The following CHCHD6 variants were observed in gnomAD, a reference collection of about 807,000 sequenced individuals.
CHCHD6 encodes MICOS complex subunit MIC25.
CHCHD6 carries 28 observed loss-of-function variants against 32.3 expected under a neutral mutation model. The observed-to-expected ratio is 0.87, with a 90% CI of 0.64 to 1.19. CHCHD6 has a LOEUF of 1.19. Ranked by LOEUF, CHCHD6 falls within the 50% of genes most tolerant of loss-of-function variation. The pLI is 0.00. For missense variants in CHCHD6, 333 were observed against 307.0 expected, an observed-to-expected ratio of 1.08 and a Z score of -0.63; for synonymous variants, 122 against 117.5, an observed-to-expected ratio of 1.04 and a Z score of -0.25.
At chr3:126,760,707 G>T (rs1454330329) in intron 4 of CHCHD6, among the ~76,000 whole-genome samples, 1 of 152,204 alleles carries the variant, frequency 6.6e-6, no homozygotes, top group East Asian at 1.9e-4. Flanking sequence ...ATAGTCCATT[G>T]TATGGATAGG....
At chr3:126,894,172 C>T (rs2077804338) in intron 5 of CHCHD6, among the ~76,000 whole-genome samples, 1 of 152,244 alleles carries the variant, frequency 6.6e-6, no homozygotes, top group Non-Finnish European at 1.5e-5. Flanking sequence ...CCAATGTCCC[C>T]ACCCTTGCTT....
intron 4 of CHCHD6, among the ~76,000 whole-genome samples, chr3:126,826,273 A>G (rs1940387533): frequency 6.6e-6 from 1 of 152,176 alleles, no homozygotes; most frequent in Non-Finnish European, 1.5e-5. Context: ...ATATTATTGG[A>G]GACCAGTTTA....
intron 6 of CHCHD6, among the ~76,000 whole-genome samples, chr3:126,926,013 T>C (rs1009495216): frequency 1.3e-5 from 2 of 152,316 alleles, no homozygotes; most frequent in Non-Finnish European, 1.5e-5. Flanking sequence ...TTGCCTCCGC[T>C]GCAGAGCACA....
At chr3:126,880,772 AC>A (rs1196376071) in intron 5 of CHCHD6, among the ~76,000 whole-genome samples, 1 of 152,212 alleles carries the variant, frequency 6.6e-6, no homozygotes, top group Admixed American at 6.5e-5. Flanking sequence ...CAAGGTAAAA[AC>A]ATCTCTTTTT....
chr3:126,895,749 T>A (rs1167566793), intron 5 of CHCHD6, among the ~76,000 whole-genome samples: 1 of 152,096 alleles, frequency 6.6e-6, no homozygotes, highest in African/African-American at 2.4e-5. Context: ...GCTGACCCCA[T>A]CCCCCACCCC....
intron 5 of CHCHD6, among the ~76,000 whole-genome samples, chr3:126,892,469 A>G (rs1161267700): frequency 6.6e-6 from 1 of 152,068 alleles, no homozygotes; most frequent in Non-Finnish European, 1.5e-5. Flanking sequence ...ACAACTTCAC[A>G]ATGTAGTTCC....
At chr3:126,814,381 G>A (rs1939787043) in intron 4 of CHCHD6, among the ~76,000 whole-genome samples, 1 of 152,166 alleles carries the variant, frequency 6.6e-6, no homozygotes, top group Non-Finnish European at 1.5e-5. Flanking sequence ...CTTGGAATCT[G>A]CAGAGTAATG....
chr3:126,823,658 A>C (rs1940249949), intron 4 of CHCHD6, among the ~76,000 whole-genome samples: 1 of 152,146 alleles, frequency 6.6e-6, no homozygotes, highest in African/African-American at 2.4e-5. Flanking sequence ...TATCAATTTT[A>C]CTTTTTTTCT....
intron 6 of CHCHD6, chr3:126,949,217 G>A (rs1488954068): frequency 6.5e-6 from 1 of 154,046 alleles, no homozygotes; most frequent in African/African-American, 2.4e-5. Context: ...GAACAGAAGG[G>A]ACAACCTGAC....
intron 1 of CHCHD6, among the ~76,000 whole-genome samples, chr3:126,720,859 C>T (rs556066348): frequency 2.2e-4 from 34 of 152,310 alleles, no homozygotes; most frequent in African/African-American, 7.7e-4. Flanking sequence ...GATGTTTCTC[C>T]TCATTCTCCC....
At chr3:126,739,810 G>T (rs796598694) in intron 4 of CHCHD6, among the ~76,000 whole-genome samples, 20 of 152,096 alleles carry the variant, frequency 1.3e-4, no homozygotes, top group Non-Finnish European at 1.5e-5. Context: ...ACATAGTCTC[G>T]ATTTGACAGT....
intron 4 of CHCHD6, among the ~76,000 whole-genome samples, chr3:126,815,652 C>A (rs534564653): frequency 6.0e-5 from 9 of 150,210 alleles, no homozygotes; most frequent in Admixed American, 3.3e-4. Flanking sequence ...TGCCCCCCCC[C>A]CCCCATCTGT....
intron 4 of CHCHD6, among the ~76,000 whole-genome samples, chr3:126,736,170 G>C (rs1166134321): frequency 6.6e-6 from 1 of 152,174 alleles, no homozygotes; most frequent in East Asian, 1.9e-4. Flanking sequence ...AAGATGGAGA[G>C]AAGAACCTAA....
intron 4 of CHCHD6, among the ~76,000 whole-genome samples, chr3:126,819,801 T>A (rs1201770210): frequency 6.6e-6 from 1 of 152,242 alleles, no homozygotes; most frequent in African/African-American, 2.4e-5. Context: ...GTAGAGAACA[T>A]GGAAAGGCAG....
intron 4 of CHCHD6, among the ~76,000 whole-genome samples, chr3:126,796,207 G>T (rs116723174): frequency 6.6e-6 from 1 of 152,028 alleles, no homozygotes; most frequent in African/African-American, 2.4e-5. Context: ...AAAATTAGCC[G>T]GGCTTGGTGG....
chr3:126,853,807 A>G (rs1328771200), intron 5 of CHCHD6, among the ~76,000 whole-genome samples: 1 of 152,204 alleles, frequency 6.6e-6, no homozygotes, highest in Non-Finnish European at 1.5e-5. Flanking sequence ...GAGCAGTCTC[A>G]TGCACAGGTT....
intron 6 of CHCHD6, among the ~76,000 whole-genome samples, chr3:126,916,496 A>T (rs1053888076): frequency 6.6e-6 from 1 of 152,138 alleles, no homozygotes; most frequent in Non-Finnish European, 1.5e-5. Flanking sequence ...CAAAAGGCAG[A>T]TAGAGACAAG....
intron 5 of CHCHD6, among the ~76,000 whole-genome samples, chr3:126,894,455 T>C (rs2077809169): frequency 6.6e-6 from 1 of 152,198 alleles, no homozygotes; most frequent in Non-Finnish European, 1.5e-5. Flanking sequence ...GGGCAGGGAA[T>C]GCAGGATGCT....
intron 2 of CHCHD6, among the ~76,000 whole-genome samples, chr3:126,729,989 C>T (rs1039154301): frequency 7.2e-5 from 11 of 152,032 alleles, no homozygotes; most frequent in African/African-American, 2.4e-4. Flanking sequence ...TCCCGAAATT[C>T]GTGATGATCA....
Sources: allele counts gnomAD v4.1 joint callset (sites outside exome capture counted in the v4.1 genomes callset), GRCh38; gene constraint gnomAD v4.1.1; transcripts MANE v1.5; gene names NCBI Gene and HGNC (gene_info 2026-07-23, HGNC 2026-07-21).